The following SMG1 variants were observed in gnomAD, a reference collection of about 807,000 sequenced individuals.
SMG1 encodes SMG1 nonsense mediated mRNA decay associated PI3K related kinase, also known as serine/threonine-protein kinase SMG1.
Under a neutral mutation model 419.9 loss-of-function variants are expected in SMG1, and 22 were observed. That is an observed-to-expected ratio of 0.05 (90% CI 0.04 to 0.07). SMG1 has a LOEUF of 0.07. Among genes scored for constraint, SMG1 ranks in the 10% least tolerant of loss-of-function variants. The probability of loss-of-function intolerance (pLI) is 1.00; values close to 1 mark genes in which losing one functional copy is unlikely to be tolerated. For synonymous variants in SMG1, 1,538 were observed against 1,553.5 expected (o/e 0.99, Z 0.23); for missense variants, 3,185 against 4,342.0 (o/e 0.73, Z 7.49).
Position 18,839,724 on chromosome 16 carries a change from G to T in SMG1, c.6919C>A (p.Pro2307Thr), listed in dbSNP as rs1567346439. The part of the protein sequence containing the change: ...AKELWSSCTT[P>T]DEWWRVTQSY... ...TGCGTAACTCTCCACCATTCATCAG[G>T]TGTTGTGCAAGATGACCAGAGCTCT... Residue 2307 changes from proline (P) to threonine (T), a missense_variant, in exon 42 of 63, where the codon CCT becomes ACT. This residue lies in a region of SMG1 where 132 missense variants were observed against 151.0 expected (regional missense o/e 0.87). Transcript: ENST00000446231. 2 of 1,613,954 alleles carry T rather than the reference G, an allele frequency of 1.2e-6. No individual in the cohort carries two copies. Among genetic ancestry groups the T allele is most frequent in the Non-Finnish European group, 1.7e-6 (2 of 1,179,898 alleles).
chr16:18,919,420 C>G (rs1231821061), intron 1 of SMG1, among the ~76,000 whole-genome samples: 2 of 151,250 alleles, frequency 1.3e-5, no homozygotes, highest in Admixed American at 6.6e-5. Context: ...ATCAGAAGAT[C>G]AAGACCATCC....
rs1340118197 is a variant in SMG1 at position 18,849,272 on chromosome 16, T to C, written c.5568A>G (p.Ile1856Met). The change falls in exon 36 of 63, where the codon ATA (isoleucine) becomes ATG (methionine). Residue 1856 changes from isoleucine to methionine, a missense_variant. This residue lies in a region of SMG1 where 130 missense variants were observed against 162.0 expected (regional missense o/e 0.80). Transcript: ENST00000446231. ...CRVAQDSPHL[I>M]LYPAIVGTIS... ...TGGTACCCACTATTGCAGGATACAA[T>C]ATGAGATGTGGGGAATCTTGAGCCA... 4 of 1,613,670 alleles carry C rather than the reference T, an allele frequency of 2.5e-6. No individual in the cohort carries two copies. The highest frequency in any genetic ancestry group is 3.4e-6 in the Non-Finnish European group (4 of 1,179,722).
intron 1 of SMG1, among the ~76,000 whole-genome samples, chr16:18,914,090 C>T (rs1030505373): frequency 2.6e-5 from 4 of 151,446 alleles, no homozygotes; most frequent in Non-Finnish European, 5.9e-5. Context: ...TCACTTGAAC[C>T]CAGGAGGTAG....
intron 56 of SMG1, among the ~76,000 whole-genome samples, chr16:18,818,445 C>G (rs1405034869): frequency 6.6e-6 from 1 of 151,902 alleles, no homozygotes; most frequent in Non-Finnish European, 1.5e-5. Context: ...GTTGCCCAGG[C>G]TGGTTTCAAA....
chr16:18,926,125 G>A lies in SMG1; in HGVS notation c.-84C>T, dbSNP rs528003434. Reference sequence around the variant, plus strand: ...CCGAACCGGCCGCCGCCGACACCCCGCTCCGGCCCGGGGCTGAGGAGGAAG... The same window carrying A: ...CCGAACCGGCCGCCGCCGACACCCCACTCCGGCCCGGGGCTGAGGAGGAAG... On this transcript the variant is annotated 5_prime_UTR_variant, in exon 1 of 63. Transcript: ENST00000446231. 1.1e-5 allele frequency: 14 copies of A among 1,264,406 alleles called. No individual in the cohort carries two copies. Among genetic ancestry groups the A allele is most frequent in the South Asian group, 7.2e-5 (5 of 69,420 alleles). 78.3% of individuals were successfully genotyped at this position (1,264,406 alleles called of 1,614,324 possible).
At chr16:18,865,285 ATAAC>A (rs1357488683) in intron 23 of SMG1, among the ~76,000 whole-genome samples, 1 of 152,220 alleles carries the variant, frequency 6.6e-6, no homozygotes, top group Non-Finnish European at 1.5e-5. Context: ...GTAAAGTACA[ATAAC>A]TATTTTTGCT....
Position 18,885,176 on chromosome 16 carries a change from A to G in SMG1, c.949-14T>C. 7 of 754,210 alleles carry G rather than the reference A, an allele frequency of 9.3e-6. No homozygotes were observed. The highest frequency in any genetic ancestry group is 1.6e-5 in the South Asian group (1 of 61,900). 46.7% of individuals were successfully genotyped at this position (754,210 alleles called of 1,614,324 possible). On this transcript the variant is annotated splice_polypyrimidine_tract_variant and intron_variant, in intron 7 of 62. Coordinates refer to ENST00000446231, the MANE Select transcript of SMG1 (RefSeq NM_015092.5). ...ATCAACTGTATCCTTGATGGAAACA[A>G]AGAGAGAGGGGGCCAATCATTTTAA...
At chr16:18,835,619 C>T (rs935029016) in intron 48 of SMG1, among the ~76,000 whole-genome samples, 1 of 152,120 alleles carries the variant, frequency 6.6e-6, no homozygotes, top group Non-Finnish European at 1.5e-5. Flanking sequence ...ATAAGAAATA[C>T]AATTGGCCAG....
At chr16:18,830,435 A>C in intron 51 of SMG1, 66 bp from the exon 52 acceptor site, 1 of 1,535,228 alleles carries the variant, frequency 6.5e-7, no homozygotes, top group South Asian at 1.1e-5. Flanking sequence ...GAACATACAA[A>C]GTCAGTACAT....
chr16:18,813,700 C>T (rs1355443903), intron 60 of SMG1, among the ~76,000 whole-genome samples: 1 of 152,058 alleles, frequency 6.6e-6, no homozygotes, highest in Non-Finnish European at 1.5e-5. Context: ...GCTTTTGTTG[C>T]CATTGCTTTT....
At chr16:18,857,236 A>G (rs1288314941) in intron 29 of SMG1, 1 of 152,234 alleles carries the variant, frequency 6.6e-6, no homozygotes, top group Non-Finnish European at 1.5e-5. Context: ...ACCAGCTATC[A>G]TGTTTTCCAC....
intron 11 of SMG1, chr16:18,878,679 C>T (rs1372270751): frequency 6.7e-6 from 1 of 149,768 alleles, no homozygotes; most frequent in East Asian, 2.0e-4. Flanking sequence ...CCTCAAAAAA[C>T]ACAAGTAAAG....
At chr16:18,886,819 G>C (rs1036503881) in intron 6 of SMG1, among the ~76,000 whole-genome samples, 2 of 152,006 alleles carry the variant, frequency 1.3e-5, no homozygotes, top group Non-Finnish European at 2.9e-5. Context: ...AAGAGAAAAA[G>C]AAAACCATTA....
chr16:18,901,647 G>A (rs1234750491), intron 1 of SMG1, among the ~76,000 whole-genome samples: 1 of 152,126 alleles, frequency 6.6e-6, no homozygotes, highest in Non-Finnish European at 1.5e-5. Context: ...AATTCTGGAA[G>A]GTAATCTCTA....
intron 1 of SMG1, among the ~76,000 whole-genome samples, chr16:18,901,775 G>C (rs1299385500): frequency 6.6e-6 from 1 of 152,024 alleles, no homozygotes; most frequent in Non-Finnish European, 1.5e-5. Flanking sequence ...AGGATTTTGA[G>C]ACCAGCCTGG....
intron 10 of SMG1, among the ~76,000 whole-genome samples, chr16:18,881,145 T>C: frequency 7.2e-6 from 1 of 139,070 alleles, no homozygotes; most frequent in South Asian, 2.3e-4. Flanking sequence ...AAATTAAATT[T>C]AAAAAAAAAA....
intron 1 of SMG1, among the ~76,000 whole-genome samples, chr16:18,916,620 C>T (rs1453411860): frequency 6.9e-6 from 1 of 144,786 alleles, no homozygotes; most frequent in East Asian, 2.0e-4. Flanking sequence ...AAAAAACACA[C>T]ACAAAAAAAA....
intron 1 of SMG1, among the ~76,000 whole-genome samples, chr16:18,918,684 G>A (rs1296124864): frequency 3.6e-5 from 5 of 137,320 alleles, no homozygotes; most frequent in African/African-American, 1.2e-4. Context: ...AAGTAGCTGG[G>A]ATTACAGGCA....
At chr16:18,812,890 A>G (rs551232009) in intron 60 of SMG1, among the ~76,000 whole-genome samples, 1 of 152,098 alleles carries the variant, frequency 6.6e-6, no homozygotes, top group East Asian at 1.9e-4. Flanking sequence ...TCATTGTTCA[A>G]TTCCCACCTA....
Sources: gnomAD v4.1 joint callset for allele counts (sites outside exome capture counted in the v4.1 genomes callset) on GRCh38, gnomAD v4.1.1 for gene constraint, gnomAD v4.1.1 regional missense constraint, MANE v1.5 for transcripts, NCBI Gene and HGNC (gene_info 2026-07-23, HGNC 2026-07-21) for gene names.